SP100: variants seen among roughly 807,000 people sequenced by gnomAD.
The protein encoded by SP100 is nuclear autoantigen Sp-100.
In SP100, 84 loss-of-function variants were observed where a neutral mutation model predicts 130.0. The observed-to-expected ratio is 0.65, with a 90% CI of 0.54 to 0.77. SP100 has a LOEUF of 0.77. SP100 is among the 30% of genes least tolerant of loss of function. SP100 has a pLI of 0.00. For missense variants in SP100, 978 were observed against 1,052.2 expected (o/e 0.93, Z 0.97); for synonymous variants, 331 against 351.7 (o/e 0.94, Z 0.66).
chr2:230,522,476 C>CTTTTTG (rs1691217990), intron 24 of SP100, among the ~76,000 whole-genome samples: 1 of 82,138 alleles, frequency 1.2e-5, no homozygotes. Flanking sequence ...CCCCAGTGTT[C>CTTTTTG]TTTTTTTTTT....
intron 14 of SP100, 46 bp from the exon 15 acceptor site, chr2:230,469,969 T>C (rs201251556): frequency 4.3e-5 from 68 of 1,578,644 alleles, no homozygotes; most frequent in Non-Finnish European, 5.7e-5. Context: ...TGCTGATTCC[T>C]AAGACTCAGA....
intron 18 of SP100, among the ~76,000 whole-genome samples, chr2:230,497,502 GAGA>G (rs2066741494): frequency 5.0e-5 from 1 of 20,152 alleles, no homozygotes; most frequent in Non-Finnish European, 1.0e-4. Context: ...GAGAGGAGAG[GAGA>G]GGAGAGGAGA....
At chr2:230,500,644 A>G (rs1010884455) in intron 19 of SP100, among the ~76,000 whole-genome samples, 16 of 152,176 alleles carry the variant, frequency 1.1e-4, no homozygotes, top group African/African-American at 3.6e-4. Flanking sequence ...TTTTGATGGA[A>G]CTGTGGGGAG....
In SP100 at chr2:230,544,823, G is replaced by A. The variant is rs1213813394; in HGVS notation, c.*1877G>A. Among the ~76,000 whole-genome samples the A allele has an allele frequency of 6.6e-6, 1 of 152,128 alleles. No homozygotes were observed. The highest frequency in any genetic ancestry group is 1.5e-5 in the Non-Finnish European group (1 of 68,010). On this transcript the variant is annotated 3_prime_UTR_variant, in exon 29 of 29. Transcript: ENST00000340126. ...AAGAAGATACACATGCGGCCAACAA[G>A]CATGTTTTAAAAGCTCAATATCACT... is the stretch of plus-strand genomic sequence containing the variant.
chr2:230,473,290 G>T (rs751371342), intron 15 of SP100, 34 bp from the exon 16 acceptor site: 2 of 1,455,630 alleles, frequency 1.4e-6, no homozygotes, highest in South Asian at 2.3e-5. Flanking sequence ...AGGGGAGTGG[G>T]CACAAATAAA....
Position 230,542,999 on chromosome 2 carries a change from C to A in SP100, c.*53C>A. 1.0e-6 allele frequency: 1 copy of A among 1,002,180 alleles called. No individual in the cohort carries two copies. Among genetic ancestry groups the A allele is most frequent in the Non-Finnish European group, 1.6e-6 (1 of 635,338 alleles). The allele number at this position is 1,002,180 out of a possible 1,614,324, so 62.1% of individuals were successfully genotyped here. A position where few individuals can be genotyped will look rare whatever the true frequency, so the allele number is the denominator to read the frequency against. On this transcript the variant is annotated 3_prime_UTR_variant, in exon 29 of 29. Transcript: ENST00000340126. The stretch of plus-strand genomic sequence containing the variant: ...TCTGGCAGCTAGCTACGCAATGTGC[C>A]TGTGGTCCCACTAATCTGTGACTGC...
At chr2:230,522,080 G>C (rs1050144855) in intron 24 of SP100, among the ~76,000 whole-genome samples, 6 of 152,150 alleles carry the variant, frequency 3.9e-5, no homozygotes. Context: ...GTTCATTGCA[G>C]GTACCAGACA....
intron 24 of SP100, among the ~76,000 whole-genome samples, chr2:230,524,179 C>CAAAAAA (rs71420292): frequency 5.8e-4 from 44 of 75,364 alleles, no homozygotes; most frequent in South Asian, 9.8e-4. Context: ...ACTAAAAATA[C>CAAAAAA]AAAAAAAAAA....
intron 19 of SP100, among the ~76,000 whole-genome samples, chr2:230,502,525 T>C (rs2067092740): frequency 6.6e-6 from 1 of 152,222 alleles, no homozygotes; most frequent in Admixed American, 6.5e-5. Context: ...TAATAGATTT[T>C]GTTGTAAAGA....
At chr2:230,458,823 C>T (rs959879612) in intron 8 of SP100, among the ~76,000 whole-genome samples, 4 of 151,612 alleles carry the variant, frequency 2.6e-5, no homozygotes, top group Admixed American at 1.3e-4. Flanking sequence ...ACATCAGATG[C>T]GAAAGTATTT....
intron 8 of SP100, among the ~76,000 whole-genome samples, chr2:230,455,179 A>AT (rs2064209934): frequency 6.6e-6 from 1 of 152,112 alleles, no homozygotes; most frequent in Non-Finnish European, 1.5e-5. Context: ...GGCTCAGGCA[A>AT]TCCCCCCAAG....
chr2:230,526,437 TA>T (rs1691428950), intron 24 of SP100, among the ~76,000 whole-genome samples: 2 of 152,010 alleles, frequency 1.3e-5, no homozygotes, highest in South Asian at 2.1e-4. Flanking sequence ...CAAAGGTAGG[TA>T]AAACCACAAA....
intron 8 of SP100, among the ~76,000 whole-genome samples, chr2:230,454,081 A>G (rs921555244): frequency 8.5e-5 from 13 of 152,168 alleles, no homozygotes; most frequent in Admixed American, 2.6e-4. Flanking sequence ...TGTTGGCATT[A>G]AATTGTTTAT....
chr2:230,499,609 T>C (rs2150058076), intron 19 of SP100, among the ~76,000 whole-genome samples: 1 of 149,576 alleles, frequency 6.7e-6, no homozygotes, highest in Admixed American at 6.7e-5. Flanking sequence ...CCACTGCTGT[T>C]CCCTCAGTGA....
chr2:230,438,171 A>G (rs1305884848), intron 2 of SP100, among the ~76,000 whole-genome samples: 1 of 152,150 alleles, frequency 6.6e-6, no homozygotes, highest in East Asian at 1.9e-4. Flanking sequence ...GTCAATATCG[A>G]TATCATCAAT....
At chr2:230,431,662 G>A (rs537314414) in intron 2 of SP100, among the ~76,000 whole-genome samples, 1 of 152,234 alleles carries the variant, frequency 6.6e-6, no homozygotes, top group South Asian at 2.1e-4. Context: ...TTCAGCTCTG[G>A]AAGACTATTT....
intron 4 of SP100, among the ~76,000 whole-genome samples, chr2:230,446,449 G>A (rs2149912663): frequency 6.6e-6 from 1 of 152,286 alleles, no homozygotes; most frequent in South Asian, 2.1e-4. Flanking sequence ...GCACCTGGCT[G>A]ATTATAAAAA....
At chr2:230,499,165 T>C (rs2066867031) in intron 19 of SP100, among the ~76,000 whole-genome samples, 1 of 152,066 alleles carries the variant, frequency 6.6e-6, no homozygotes, top group East Asian at 1.9e-4. Flanking sequence ...ATCCTCAAGT[T>C]AATTTTAAGA....
chr2:230,509,655 C>G (rs1178813112), intron 23 of SP100: 2 of 152,146 alleles, frequency 1.3e-5, no homozygotes, highest in Non-Finnish European at 2.9e-5. Context: ...CTTCCCTCCT[C>G]TCCCCTCGGT....
Sources: allele counts gnomAD v4.1 joint callset (sites outside exome capture counted in the v4.1 genomes callset), GRCh38; gene constraint gnomAD v4.1.1; transcripts MANE v1.5; gene names NCBI Gene and HGNC (gene_info 2026-07-23, HGNC 2026-07-21).